The following PCBP3 variants were observed in gnomAD, a reference collection of about 807,000 sequenced individuals.
PCBP3 encodes poly(rC) binding protein 3, also known as poly(rC)-binding protein 3.
Under a neutral mutation model 52.7 loss-of-function variants are expected in PCBP3, and 25 were observed. That is an observed-to-expected ratio of 0.47 (90% CI 0.35 to 0.66). The LOEUF (loss-of-function observed/expected upper bound fraction) is 0.66, where lower values mean the gene tolerates loss of function less well. Among genes scored for constraint, PCBP3 ranks in the 30% least tolerant of loss-of-function variants. The pLI, the probability that PCBP3 is intolerant of heterozygous loss-of-function variation, is 0.01. For missense variants in PCBP3, 391 were observed against 490.3 expected (o/e 0.80, Z 1.91); for synonymous variants, 162 against 183.0 (o/e 0.89, Z 0.93).
intron 5 of PCBP3, among the ~76,000 whole-genome samples, chr21:45,860,818 GA>G (rs1243595760): frequency 1.3e-5 from 2 of 152,174 alleles, no homozygotes; most frequent in African/African-American, 4.8e-5. Flanking sequence ...GTGGCCCTGG[GA>G]GCAGGATTGG....
At chr21:45,900,664 G>C in intron 8 of PCBP3, 41 bp downstream of exon 8, 6 of 1,293,106 alleles carry the variant, frequency 4.6e-6, no homozygotes, top group Non-Finnish European at 6.7e-6. Flanking sequence ...GCCATTCCCG[G>C]GTGGGCGGGG....
At chr21:45,692,062 A>T (rs540553232) in intron 2 of PCBP3, among the ~76,000 whole-genome samples, 1 of 152,292 alleles carries the variant, frequency 6.6e-6, no homozygotes, top group South Asian at 2.1e-4. Context: ...TTTTGAATCC[A>T]TAGTATGTGG....
intron 13 of PCBP3, among the ~76,000 whole-genome samples, chr21:45,919,959 G>A (rs1332574257): frequency 1.3e-5 from 2 of 152,200 alleles, no homozygotes; most frequent in Admixed American, 6.5e-5. Flanking sequence ...AGTCAGAGGC[G>A]ACTTTCTGGG....
At chr21:45,932,976 C>T (rs888754064) in intron 15 of PCBP3, among the ~76,000 whole-genome samples, 2 of 151,622 alleles carry the variant, frequency 1.3e-5, no homozygotes. Flanking sequence ...AACACCTGGG[C>T]CATGCCGTTC....
chr21:45,748,351 A>G (rs566012292), intron 3 of PCBP3, among the ~76,000 whole-genome samples: 13 of 152,298 alleles, frequency 8.5e-5, no homozygotes, highest in Admixed American at 8.5e-4. Flanking sequence ...CCTTTGCGCC[A>G]TAGGCCCTGT....
At chr21:45,709,717 A>T (rs1043850233) in intron 2 of PCBP3, among the ~76,000 whole-genome samples, 3 of 152,202 alleles carry the variant, frequency 2.0e-5, no homozygotes, top group African/African-American at 7.2e-5. Flanking sequence ...TAATGGACCA[A>T]TATCAGCCAT....
At chr21:45,868,980 C>A (rs1377540793) in intron 5 of PCBP3, among the ~76,000 whole-genome samples, 4 of 152,234 alleles carry the variant, frequency 2.6e-5, no homozygotes, top group Admixed American at 1.3e-4. Context: ...TTCAACAATT[C>A]AGACGCCCCA....
intron 2 of PCBP3, among the ~76,000 whole-genome samples, chr21:45,694,516 A>C (rs1243418585): frequency 6.6e-6 from 1 of 152,216 alleles, no homozygotes; most frequent in African/African-American, 2.4e-5. Flanking sequence ...TTTAGTGGGA[A>C]GATGTAACAC....
chr21:45,824,848 T>C (rs2093264895), intron 4 of PCBP3, among the ~76,000 whole-genome samples: 1 of 152,224 alleles, frequency 6.6e-6, no homozygotes, highest in South Asian at 2.1e-4. Flanking sequence ...GCAGGAAAGC[T>C]GGCAGGACAT....
At chr21:45,660,019 C>G (rs2080280587) in intron 1 of PCBP3, among the ~76,000 whole-genome samples, 1 of 152,042 alleles carries the variant, frequency 6.6e-6, no homozygotes, top group South Asian at 2.1e-4. Flanking sequence ...GTCTTGCATT[C>G]CATCCTGTAT....
chr21:45,683,364 A>C (rs1378221394), intron 2 of PCBP3, among the ~76,000 whole-genome samples: 1 of 152,204 alleles, frequency 6.6e-6, no homozygotes, highest in African/African-American at 2.4e-5. Context: ...AATTGAGGAT[A>C]ATGGTGATGC....
rs942765092 is a variant in PCBP3, at chr21:45,791,644, G to T, written c.-126+36192G>T. Among the ~76,000 whole-genome samples the T allele has an allele frequency of 2.6e-5, 4 of 152,212 alleles. No individual in the cohort carries two copies. Among genetic ancestry groups the T allele is most frequent in the African/African-American group, 9.7e-5 (4 of 41,446 alleles). ...TTTTTCCAGTTGGTGGCAGTCATAAGTTAATTTCTGTCGAAGTAGAATACA... is the reference window on the plus strand; with the variant it reads ...TTTTTCCAGTTGGTGGCAGTCATAATTTAATTTCTGTCGAAGTAGAATACA... On this transcript the variant is annotated intron_variant, in intron 4 of 17. Transcript: ENST00000681687. This position sits in a 1 kb window ranked among gnomAD's most constrained non-coding sequence, Gnocchi z 4.2.
chr21:45,792,087 G>T (rs1238447251), intron 4 of PCBP3, among the ~76,000 whole-genome samples: 2 of 152,284 alleles, frequency 1.3e-5, no homozygotes, highest in Non-Finnish European at 2.9e-5. Context: ...CCACTGCAGG[G>T]CCACCCTTCG....
intron 13 of PCBP3, among the ~76,000 whole-genome samples, chr21:45,924,961 GGAA>G (rs1482613423): frequency 3.1e-5 from 2 of 63,940 alleles, no homozygotes; most frequent in East Asian, 2.7e-4. Flanking sequence ...GCGAACACCG[GGAA>G]CAGTCGTGTG....
Position 45,928,285 on chromosome 21 carries a change from C to A in PCBP3, c.718-1632C>A, listed in dbSNP as rs71324470. ...ACACATCCCCTCAGATAACCCGGCA[C>A]ACCCGTTCACGTTACATCATGGGGC... On this transcript the variant is annotated intron_variant, in intron 13 of 17. Coordinates refer to ENST00000681687, the MANE Select transcript of PCBP3 (RefSeq NM_001384156.1). This position sits in a 1 kb window ranked among gnomAD's most constrained non-coding sequence, Gnocchi z 4.1. Among the ~76,000 whole-genome samples the A allele has an allele frequency of 0.055, 8,425 of 152,252 alleles. 269 individuals are homozygous for A. The highest frequency in any genetic ancestry group is 0.078 in the Non-Finnish European group (5,286 of 67,996).
chr21:45,670,732 T>G (rs2081117023), intron 2 of PCBP3, among the ~76,000 whole-genome samples: 1 of 152,224 alleles, frequency 6.6e-6, no homozygotes, highest in Non-Finnish European at 1.5e-5. Context: ...GCTTTTACTC[T>G]GTATCTCTTC....
chr21:45,763,937 A>G (rs2088989275), intron 4 of PCBP3, among the ~76,000 whole-genome samples: 2 of 152,216 alleles, frequency 1.3e-5, no homozygotes, highest in South Asian at 4.1e-4. Context: ...TGTCTGCATT[A>G]AACAATTAAA....
At chr21:45,760,522 G>C (rs1222391723) in intron 4 of PCBP3, 1 of 152,258 alleles carries the variant, frequency 6.6e-6, no homozygotes, top group East Asian at 1.9e-4. Flanking sequence ...TGACTCCAAG[G>C]TCATGTCAGC....
intron 2 of PCBP3, among the ~76,000 whole-genome samples, chr21:45,734,604 CT>C (rs143510782): frequency 0.031 from 4,714 of 152,270 alleles, 244 homozygotes; most frequent in African/African-American, 0.11. Flanking sequence ...TCCAACTCCC[CT>C]GGCCTTGCCT....
Sources: allele counts gnomAD v4.1 joint callset (sites outside exome capture counted in the v4.1 genomes callset), GRCh38; gene constraint gnomAD v4.1.1; non-coding constraint Gnocchi (gnomAD v3.1); transcripts MANE v1.5; gene names NCBI Gene and HGNC (gene_info 2026-07-23, HGNC 2026-07-21).